The following CAPZA1 variants were observed in gnomAD, a reference collection of about 807,000 sequenced individuals.
CAPZA1 encodes the protein F-actin-capping protein subunit alpha-1.
CAPZA1 carries 10 observed loss-of-function variants against 40.8 expected under a neutral mutation model. The ratio of observed to expected loss-of-function variants is 0.25; its 90% CI spans 0.15 to 0.42. The LOEUF (loss-of-function observed/expected upper bound fraction) is 0.42. CAPZA1 is among the 10% of genes least tolerant of loss of function. The probability of loss-of-function intolerance (pLI) is 1.00; values close to 1 mark genes in which losing one functional copy is unlikely to be tolerated. For missense variants in CAPZA1, 277 were observed against 353.8 expected, an observed-to-expected ratio of 0.78 and a Z score of 1.74; for synonymous variants, 98 against 115.0, an observed-to-expected ratio of 0.85 and a Z score of 0.95.
intron 1 of CAPZA1, among the ~76,000 whole-genome samples, chr1:112,625,417 A>G (rs940193032): frequency 1.3e-5 from 2 of 152,200 alleles, no homozygotes; most frequent in Non-Finnish European, 2.9e-5. Flanking sequence ...GTTTTAAAGA[A>G]AAAGGACCCA....
rs1336435102 is a variant in CAPZA1, at chr1:112,654,569, C to G, written c.324C>G (p.Pro108=). 6.2e-7 allele frequency: 1 copy of G among 1,613,884 alleles called. No homozygotes were observed. Among genetic ancestry groups the G allele is most frequent in the Non-Finnish European group, 8.5e-7 (1 of 1,179,832 alleles). The part of the protein sequence containing the change: ...FDHLRKEASD[P]QPEEADGGLK... The stretch of plus-strand genomic sequence containing the variant: ...ACTTACGGAAAGAAGCAAGTGACCC[C>G]CAGCCAGAAGAAGCAGATGGAGGTC... Residue 108 remains proline, a synonymous_variant, in exon 5 of 10, where the codon CCC becomes CCG. Transcript: ENST00000263168.
At chr1:112,659,847 A>G (rs958323496) in intron 7 of CAPZA1, 68 bp downstream of exon 7, 49 of 1,217,158 alleles carry the variant, frequency 4.0e-5, no homozygotes, top group Non-Finnish European at 5.6e-5. Flanking sequence ...TTGCTTTGGT[A>G]TTAAATAAGG....
At chr1:112,619,919 C>G (rs751329458) in intron 1 of CAPZA1, 36 bp downstream of exon 1, 2 of 1,560,852 alleles carry the variant, frequency 1.3e-6, no homozygotes, top group South Asian at 1.1e-5. Flanking sequence ...CCTCCTCCCC[C>G]GACAGGGAAC....
intron 1 of CAPZA1, among the ~76,000 whole-genome samples, chr1:112,630,448 A>AT (rs1670898757): frequency 6.6e-6 from 1 of 151,838 alleles, no homozygotes; most frequent in South Asian, 2.1e-4. Context: ...GGTTCAAGCG[A>AT]TTCTCCTGTC....
At chr1:112,655,582 A>G (rs1228002198) in intron 5 of CAPZA1, among the ~76,000 whole-genome samples, 1 of 151,772 alleles carries the variant, frequency 6.6e-6, no homozygotes, top group African/African-American at 2.4e-5. Context: ...TTGTTTTTTG[A>G]GACTAAGTCT....
chr1:112,657,343 T>G (rs1008525286), intron 5 of CAPZA1, among the ~76,000 whole-genome samples: 2 of 152,130 alleles, frequency 1.3e-5, no homozygotes, highest in African/African-American at 2.4e-5. Flanking sequence ...CATCTCTCTC[T>G]GCATCACCAC....
chr1:112,651,992 G>A (rs755212173), intron 3 of CAPZA1, among the ~76,000 whole-genome samples: 14 of 151,872 alleles, frequency 9.2e-5, no homozygotes, highest in Non-Finnish European at 1.6e-4. Context: ...GTGGTGGTGC[G>A]CATCTGTAAT....
At chr1:112,624,959 CTT>C (rs1670777648) in intron 1 of CAPZA1, among the ~76,000 whole-genome samples, 2 of 152,214 alleles carry the variant, frequency 1.3e-5, no homozygotes, top group Admixed American at 1.3e-4. Flanking sequence ...AACCATGTCT[CTT>C]TATCTAGTGC....
intron 1 of CAPZA1, among the ~76,000 whole-genome samples, chr1:112,645,470 A>C (rs191233905): frequency 6.6e-6 from 1 of 151,926 alleles, no homozygotes; most frequent in African/African-American, 2.4e-5. Context: ...GCAGAAAATT[A>C]AAATTTTTTA....
At chr1:112,641,747 G>T (rs1266302800) in intron 1 of CAPZA1, among the ~76,000 whole-genome samples, 2 of 151,680 alleles carry the variant, frequency 1.3e-5, no homozygotes, top group South Asian at 2.1e-4. Flanking sequence ...AAATTAGCGG[G>T]GCCTTATGGC....
chr1:112,671,456 G>A lies in CAPZA1; in HGVS notation c.*1324G>A, dbSNP rs1206177324. ...CGTTTTGTTTCTGCTCAGTAATATAGTCAAGCAAGTTTGTTCCAGGTGACC... is the reference window on the plus strand; with the variant it reads ...CGTTTTGTTTCTGCTCAGTAATATAATCAAGCAAGTTTGTTCCAGGTGACC... On this transcript the variant is annotated 3_prime_UTR_variant, in exon 10 of 10. Transcript: ENST00000263168. 1 of 152,760 alleles carries A rather than the reference G, an allele frequency of 6.5e-6. No homozygotes were observed. Among genetic ancestry groups the A allele is most frequent in the East Asian group, 1.9e-4 (1 of 5,188 alleles). 9.5% of individuals were successfully genotyped at this position (152,760 alleles called of 1,614,324 possible).
intron 1 of CAPZA1, among the ~76,000 whole-genome samples, chr1:112,645,131 A>C (rs577691771): frequency 1.3e-5 from 2 of 152,296 alleles, no homozygotes; most frequent in South Asian, 4.1e-4. Flanking sequence ...TAAACTGCTC[A>C]CATACCCTGA....
intron 1 of CAPZA1, chr1:112,620,632 C>T (rs1368073954): frequency 1.3e-5 from 2 of 152,170 alleles, no homozygotes; most frequent in Non-Finnish European, 2.9e-5. Flanking sequence ...TTTTCTGTAA[C>T]ACATAATAAA....
intron 7 of CAPZA1, among the ~76,000 whole-genome samples, chr1:112,665,035 A>C (rs1434060506): frequency 6.6e-6 from 1 of 152,202 alleles, no homozygotes; most frequent in Non-Finnish European, 1.5e-5. Context: ...CCTACAGCTA[A>C]GATTACTGAG....
At chr1:112,640,489 G>T (rs1350645900) in intron 1 of CAPZA1, among the ~76,000 whole-genome samples, 28 of 131,058 alleles carry the variant, frequency 2.1e-4, no homozygotes, top group Non-Finnish European at 3.8e-4. Flanking sequence ...GGAGGGAGGT[G>T]GGGGGGTCAG....
chr1:112,640,200 CCCCCGCCCGGCCAGCCG>C (rs1431124730), intron 1 of CAPZA1, among the ~76,000 whole-genome samples: 7 of 124,782 alleles, frequency 5.6e-5, no homozygotes, highest in African/African-American at 9.2e-5. Context: ...GGGGGTCAGC[CCCCCGCCCGGCCAGCCG>C]CCCCGTCCGG....
Position 112,655,699 on chromosome 1 carries a change from A to G in CAPZA1, c.426+1028A>G, listed in dbSNP as rs368879637. On this transcript the variant is annotated intron_variant, in intron 5 of 9. Transcript: ENST00000263168. ...TGCCTCAGCTTCCTGAGTAGCTGGG[A>G]TTACGGGTGCCCACCACCACACCTG... Among the ~76,000 whole-genome samples the G allele has an allele frequency of 8.2e-3, 1,247 of 152,068 alleles. 19 individuals are homozygous for G. Among genetic ancestry groups the G allele is most frequent in the African/African-American group, 0.029 (1,186 of 41,488 alleles).
chr1:112,659,611 CCT>C (rs1671563743), intron 6 of CAPZA1, 88 bp from the exon 7 acceptor site: 4 of 932,364 alleles, frequency 4.3e-6, no homozygotes, highest in African/African-American at 1.7e-5. Flanking sequence ...TTTTTGCACC[CCT>C]CTTTCCCAAC....
In CAPZA1 at chr1:112,649,423, C is replaced by T; in HGVS notation, c.109C>T (p.Arg37Trp). Reference sequence around the variant, plus strand: ...GTAACATTTTTCCTCCTCAGACGTTCGGCTACTACTTAATAATGACAATCT... The same window carrying T: ...GTAACATTTTTCCTCCTCAGACGTTTGGCTACTACTTAATAATGACAATCT... ...GEFNEVFNDVRLLLNNDNLLR... is the reference protein window; with the variant it reads ...GEFNEVFNDVWLLLNNDNLLR... The change falls in exon 3 of 10, where the codon CGG becomes TGG. Residue 37 changes from arginine (R) to tryptophan (W), a missense_variant. Arg to Trp is a moderately radical substitution (Grantham distance 101). This residue lies in a region of CAPZA1 where 85 missense variants were observed against 76.5 expected (regional missense o/e 1.11). Transcript: ENST00000263168. 2 of 1,611,944 alleles carry T rather than the reference C, an allele frequency of 1.2e-6. No individual in the cohort carries two copies. The highest frequency in any genetic ancestry group is 1.7e-6 in the Non-Finnish European group (2 of 1,178,392).
Sources: allele counts gnomAD v4.1 joint callset (sites outside exome capture counted in the v4.1 genomes callset), GRCh38; gene constraint gnomAD v4.1.1; regional missense constraint gnomAD v4.1.1; transcripts MANE v1.5; gene names NCBI Gene and HGNC (gene_info 2026-07-23, HGNC 2026-07-21).